Variants in NSD1 observed in about 807,000 individuals in gnomAD.
NSD1 encodes the protein nuclear receptor binding SET domain protein 1.
NSD1 carries 26 observed loss-of-function variants against 242.7 expected under a neutral mutation model. The observed-to-expected ratio is 0.11, with a 90% confidence interval of 0.08 to 0.15. NSD1 has a LOEUF of 0.15. NSD1 is among the 10% of genes least tolerant of loss of function. The pLI is 1.00. For synonymous variants in NSD1, 1,106 were observed against 1,178.1 expected, an observed-to-expected ratio of 0.94 and a Z score of 1.25; for missense variants, 2,495 against 3,272.8, an observed-to-expected ratio of 0.76 and a Z score of 5.80.
At chr5:177,229,040 C>A (rs1212076043) in intron 5 of NSD1, among the ~76,000 whole-genome samples, 1 of 151,688 alleles carries the variant, frequency 6.6e-6, no homozygotes, top group Non-Finnish European at 1.5e-5. Context: ...AATATGTGAT[C>A]TTTTGTGTCT....
intron 2 of NSD1, among the ~76,000 whole-genome samples, chr5:177,189,804 A>G (rs1336838322): frequency 6.6e-6 from 1 of 152,232 alleles, no homozygotes; most frequent in Non-Finnish European, 1.5e-5. Context: ...ATCAAATTAT[A>G]TAATAAATTT....
At chr5:177,224,571 T>C (rs989472942) in intron 5 of NSD1, among the ~76,000 whole-genome samples, 1 of 151,798 alleles carries the variant, frequency 6.6e-6, no homozygotes, top group African/African-American at 2.4e-5. Flanking sequence ...TGTTAATTAA[T>C]AGAATTGATT....
At chr5:177,203,354 G>A (rs1273239523) in intron 3 of NSD1, among the ~76,000 whole-genome samples, 1 of 151,738 alleles carries the variant, frequency 6.6e-6, no homozygotes, top group Non-Finnish European at 1.5e-5. Context: ...TTAATTGTAT[G>A]TATAGAACTT....
intron 12 of NSD1, among the ~76,000 whole-genome samples, chr5:177,252,569 T>TTTTTTTTTA (rs1205352797): frequency 1.1e-5 from 1 of 93,590 alleles, no homozygotes. Context: ...TTTTTTTTTT[T>TTTTTTTTTA]AATAAGAGAT....
chr5:177,140,248 TTTGTTGTTG>T (rs1458785356), intron 2 of NSD1, among the ~76,000 whole-genome samples: 2 of 152,162 alleles, frequency 1.3e-5, no homozygotes, highest in African/African-American at 4.8e-5. Context: ...GGTTTTATGC[TTTGTTGTTG>T]TTGTTGAGAC....
intron 20 of NSD1, among the ~76,000 whole-genome samples, chr5:177,285,145 T>C (rs1759204680): frequency 6.6e-6 from 1 of 152,156 alleles, no homozygotes; most frequent in Admixed American, 6.5e-5. Flanking sequence ...GACAGTAAAG[T>C]TATGTGGTAG....
In NSD1 at chr5:177,300,150, G is replaced by C; in HGVS notation, c.*4691G>C. 4.7e-6 allele frequency: 1 copy of C among 210,660 alleles called. No individual in the cohort carries two copies. Among genetic ancestry groups the C allele is most frequent in the Non-Finnish European group, 9.3e-6 (1 of 107,126 alleles). The allele number at this position is 210,660 out of a possible 1,614,324, so 13.0% of individuals were successfully genotyped here. A position where few individuals can be genotyped will look rare whatever the true frequency, so the allele number is the denominator to read the frequency against. On this transcript the variant is annotated 3_prime_UTR_variant, in exon 23 of 23. Coordinates refer to ENST00000439151, the MANE Select transcript of NSD1 (RefSeq NM_022455.5). ...CTGTGTTAGGAGTCCCCATAAACAT[G>C]TACTGTAATTCTTTGTATATAGAAA... is the stretch of plus-strand genomic sequence containing the variant.
chr5:177,158,261 CTTTCTTTCTTT>C (rs1758316988), intron 2 of NSD1, among the ~76,000 whole-genome samples: 1 of 93,650 alleles, frequency 1.1e-5, no homozygotes, highest in Admixed American at 1.2e-4. Context: ...TTCTTTCTTT[CTTTCTTTCTTT>C]CTTTCTTTCT....
intron 5 of NSD1, among the ~76,000 whole-genome samples, chr5:177,225,633 G>A (rs979597148): frequency 2.0e-5 from 3 of 152,080 alleles, no homozygotes; most frequent in African/African-American, 4.8e-5. Context: ...GGTCATATGG[G>A]TGCTGGAAAT....
At chr5:177,288,990 G>GGGA in intron 21 of NSD1, 65 bp downstream of exon 21, 1 of 1,097,864 alleles carries the variant, frequency 9.1e-7, no homozygotes, top group Non-Finnish European at 1.4e-6. Flanking sequence ...AACAGTGTTA[G>GGGA]GGCAGTCTAC....
At chr5:177,214,194 T>C (rs1423605108) in intron 5 of NSD1, among the ~76,000 whole-genome samples, 2 of 152,068 alleles carry the variant, frequency 1.3e-5, no homozygotes, top group Non-Finnish European at 2.9e-5. Flanking sequence ...TAGCTGGGCA[T>C]GGTGGCGCGC....
At chr5:177,187,112 T>C (rs995468073) in intron 2 of NSD1, among the ~76,000 whole-genome samples, 17 of 144,972 alleles carry the variant, frequency 1.2e-4, no homozygotes, top group African/African-American at 4.4e-4. Flanking sequence ...TTTTTTTTTT[T>C]TTTTTTTTTT....
At chr5:177,278,733 A>G (rs1758599017) in intron 17 of NSD1, among the ~76,000 whole-genome samples, 1 of 152,218 alleles carries the variant, frequency 6.6e-6, no homozygotes, top group South Asian at 2.1e-4. Flanking sequence ...TCTTGCAAGT[A>G]ATTTATTCAA....
chr5:177,272,984 G>A (rs1310867386), intron 16 of NSD1, among the ~76,000 whole-genome samples: 2 of 152,124 alleles, frequency 1.3e-5, no homozygotes, highest in Admixed American at 6.6e-5. Flanking sequence ...TAGGATAAGA[G>A]GCAAGAAGGA....
intron 2 of NSD1, among the ~76,000 whole-genome samples, chr5:177,189,744 C>G (rs1357050658): frequency 6.6e-6 from 1 of 152,100 alleles, no homozygotes; most frequent in African/African-American, 2.4e-5. Context: ...AATAAATAAG[C>G]AAGTTCCATA....
At chr5:177,233,866 A>G (rs75067421) in intron 5 of NSD1, among the ~76,000 whole-genome samples, 80 of 152,312 alleles carry the variant, frequency 5.3e-4, no homozygotes, top group African/African-American at 1.9e-3. Context: ...CTTCACTGCC[A>G]TATGACCAGG....
chr5:177,149,968 A>G (rs574037013), intron 2 of NSD1, among the ~76,000 whole-genome samples: 7 of 151,576 alleles, frequency 4.6e-5, no homozygotes, highest in Non-Finnish European at 1.0e-4. Context: ...AGACAGTCTT[A>G]CTCTGTCACC....
chr5:177,161,971 T>G (rs1758793137), intron 2 of NSD1, among the ~76,000 whole-genome samples: 1 of 151,968 alleles, frequency 6.6e-6, no homozygotes, highest in Non-Finnish European at 1.5e-5. Flanking sequence ...TTTCTTAATT[T>G]TGGCTGCTAC....
rs1299908416 is a variant in NSD1, at chr5:177,294,051, T to A, written c.6683T>A (p.Leu2228Gln). Residue 2228 changes from leucine to glutamine, a missense_variant, in exon 23 of 23, where the codon CTG becomes CAG. Coordinates refer to ENST00000439151, the MANE Select transcript of NSD1 (RefSeq NM_022455.5). ...IREYVPPPVP[L>Q]PPGPSTHLAE... is the part of the protein sequence containing the mutation. ...GAGTATGTGCCTCCCCCAGTACCGC[T>A]GCCTCCAGGGCCAAGCACTCACCTG... is the stretch of plus-strand genomic sequence containing the variant. 1.9e-6 allele frequency: 3 copies of A among 1,614,090 alleles called. No individual in the cohort carries two copies. Among genetic ancestry groups the A allele is most frequent in the Non-Finnish European group, 2.5e-6 (3 of 1,180,038 alleles).
Sources: gnomAD v4.1 joint callset for allele counts (sites outside exome capture counted in the v4.1 genomes callset) on GRCh38, gnomAD v4.1.1 for gene constraint, MANE v1.5 for transcripts, NCBI Gene and HGNC (gene_info 2026-07-23, HGNC 2026-07-21) for gene names.